RANBP2: variants seen among roughly 807,000 people sequenced by gnomAD.
RANBP2 encodes the protein E3 SUMO-protein ligase RanBP2.
A neutral mutation model predicts 303.6 loss-of-function variants in RANBP2; 57 were observed. That is an observed-to-expected ratio of 0.19 (90% confidence interval 0.15 to 0.23). The LOEUF is 0.23. RANBP2 is among the 10% of genes least tolerant of loss of function. The pLI is 1.00. For synonymous variants in RANBP2, 1,167 were observed against 1,301.5 expected, an observed-to-expected ratio of 0.90 and a Z score of 2.23; for missense variants, 3,138 against 3,780.8, an observed-to-expected ratio of 0.83 and a Z score of 4.46.
chr2:108,933,782 G>A, the RANBP2 span, among the ~76,000 whole-genome samples: 1 of 152,068 alleles, frequency 6.6e-6, no homozygotes, highest in East Asian at 2.0e-4. Context: ...GGGGTGGCGG[G>A]GAGGCAAGGG....
chr2:109,025,464 A>T, the RANBP2 span, among the ~76,000 whole-genome samples: 1 of 152,234 alleles, frequency 6.6e-6, no homozygotes, highest in Admixed American at 6.5e-5. Context: ...AACTTGACGT[A>T]CATATTTTGG....
chr2:108,909,082 G>A, the RANBP2 span, among the ~76,000 whole-genome samples: 7 of 152,158 alleles, frequency 4.6e-5, no homozygotes, highest in African/African-American at 1.4e-4. Flanking sequence ...GTCTTTTAAC[G>A]TACAAGTGTC....
chr2:109,225,016 G>T, the RANBP2 span, among the ~76,000 whole-genome samples: 10 of 152,162 alleles, frequency 6.6e-5, no homozygotes, highest in African/African-American at 2.2e-4. Flanking sequence ...TTGAAGGAAA[G>T]ATTGTCTGGA....
chr2:108,937,840 G>A, the RANBP2 span, among the ~76,000 whole-genome samples: 1 of 152,192 alleles, frequency 6.6e-6, no homozygotes, highest in African/African-American at 2.4e-5. Context: ...AGGCACAGAT[G>A]AGGGCAAACC....
chr2:109,239,757 G>A, the RANBP2 span, among the ~76,000 whole-genome samples: 13 of 152,226 alleles, frequency 8.5e-5, no homozygotes, highest in Admixed American at 2.6e-4. Flanking sequence ...GAAAGGAGCT[G>A]GCGGCACTGC....
the RANBP2 span, among the ~76,000 whole-genome samples, chr2:109,106,792 G>A: frequency 6.6e-6 from 1 of 151,936 alleles, no homozygotes; most frequent in Non-Finnish European, 1.5e-5. Flanking sequence ...AGCCAAGATC[G>A]CACCACTGCA....
the RANBP2 span, among the ~76,000 whole-genome samples, chr2:109,157,302 C>A: frequency 6.6e-6 from 1 of 152,218 alleles, no homozygotes; most frequent in African/African-American, 2.4e-5. Context: ...TACAGTGATC[C>A]TTCACAGCAC....
the RANBP2 span, among the ~76,000 whole-genome samples, chr2:109,116,820 CTT>C: frequency 3.0e-4 from 45 of 151,950 alleles, no homozygotes; most frequent in African/African-American, 1.1e-3. Context: ...GTGTGGATGT[CTT>C]TTCTGTTTGT....
chr2:109,326,733 G>A, the RANBP2 span, among the ~76,000 whole-genome samples: 1 of 152,194 alleles, frequency 6.6e-6, no homozygotes, highest in Non-Finnish European at 1.5e-5. Flanking sequence ...CTTACCTGGT[G>A]TTTACTGCCA....
chr2:108,998,865 T>TGTCCTCTA, the RANBP2 span, among the ~76,000 whole-genome samples: 1 of 152,172 alleles, frequency 6.6e-6, no homozygotes, highest in Non-Finnish European at 1.5e-5. Flanking sequence ...GGCCAGTTGG[T>TGTCCTCTA]GTCCTCTAGC....
chr2:109,131,971 C>T, the RANBP2 span, among the ~76,000 whole-genome samples: 1 of 152,148 alleles, frequency 6.6e-6, no homozygotes, highest in Non-Finnish European at 1.5e-5. Flanking sequence ...GCACATGCTT[C>T]GGGAGTGGGA....
chr2:109,175,065 T>C, the RANBP2 span, among the ~76,000 whole-genome samples: 3 of 150,970 alleles, frequency 2.0e-5, no homozygotes, highest in Non-Finnish European at 4.4e-5. Flanking sequence ...AAATCCCATA[T>C]TTAAATGATT....
At chr2:109,217,146 G>A in the RANBP2 span, among the ~76,000 whole-genome samples, 1 of 152,152 alleles carries the variant, frequency 6.6e-6, no homozygotes, top group Non-Finnish European at 1.5e-5. Flanking sequence ...CCATCGTACG[G>A]TCATCCACAT....
the RANBP2 span, among the ~76,000 whole-genome samples, chr2:109,303,206 C>T: frequency 1.3e-5 from 2 of 152,176 alleles, no homozygotes; most frequent in Admixed American, 1.3e-4. Flanking sequence ...TCCACTGTAG[C>T]CAAAGAACTT....
the RANBP2 span, among the ~76,000 whole-genome samples, chr2:108,957,378 G>A: frequency 2.0e-5 from 3 of 152,230 alleles, no homozygotes; most frequent in South Asian, 2.1e-4. Flanking sequence ...TTAGGAAGTC[G>A]GGGGCAGGTA....
the RANBP2 span, among the ~76,000 whole-genome samples, chr2:109,680,187 C>CAA: frequency 0.061 from 7,720 of 127,530 alleles, 657 homozygotes; most frequent in African/African-American, 0.2. Context: ...ACTAAAAATA[C>CAA]AAAAAAAAAA....
the RANBP2 span, among the ~76,000 whole-genome samples, chr2:108,854,115 A>G: frequency 1.8e-4 from 24 of 136,710 alleles, 1 homozygote; most frequent in Admixed American, 1.7e-3. Context: ...AAATATATAT[A>G]ATATATACAT....
the RANBP2 span, among the ~76,000 whole-genome samples, chr2:109,204,499 C>G: frequency 6.6e-6 from 1 of 152,044 alleles, no homozygotes; most frequent in South Asian, 2.1e-4. Context: ...CTCCCTTATT[C>G]TAGACTAGTT....
chr2:109,213,258 T>C, the RANBP2 span, among the ~76,000 whole-genome samples: 64,285 of 152,120 alleles, frequency 0.42, 16,076 homozygotes, highest in East Asian at 0.8. Flanking sequence ...ACTCAGGACA[T>C]GGCTCTTCCT....
Sources: allele counts gnomAD v4.1 joint callset (sites outside exome capture counted in the v4.1 genomes callset), GRCh38; gene constraint gnomAD v4.1.1; transcripts MANE v1.5; gene names NCBI Gene and HGNC (gene_info 2026-07-23, HGNC 2026-07-21).